The following STIP1 variants were observed in gnomAD, a reference collection of about 807,000 sequenced individuals.
STIP1 encodes the protein stress-induced-phosphoprotein 1.
In STIP1, 16 loss-of-function variants were observed where a neutral mutation model predicts 77.4. That is an observed-to-expected ratio of 0.21 (90% confidence interval 0.14 to 0.31). STIP1 has a LOEUF of 0.31. Ranked by LOEUF, STIP1 falls within the 10% of genes least tolerant of loss-of-function variation. STIP1 has a pLI of 1.00. For missense variants in STIP1, 524 were observed against 684.8 expected (o/e 0.77, Z 2.62); for synonymous variants, 258 against 246.6 (o/e 1.05, Z -0.44).
In STIP1 at chr11:64,186,245, C is replaced by T. The variant is rs1333698700; in HGVS notation, c.-17C>T. The T allele has an allele frequency of 3.2e-6, 5 of 1,549,616 alleles. No homozygotes were observed. Among genetic ancestry groups the T allele is most frequent in the Middle Eastern group, 1.7e-4 (1 of 5,920 alleles). On this transcript the variant is annotated 5_prime_UTR_variant, in exon 1 of 14. Transcript: ENST00000305218. Reference sequence around the variant, plus strand: ...CGGACGGATTCGATTCAACGGGGTTCCGGACCGCGCTGCGCTATGGAGCAG... The same window carrying T: ...CGGACGGATTCGATTCAACGGGGTTTCGGACCGCGCTGCGCTATGGAGCAG...
At chr11:64,196,970 C>G (rs56233050) in intron 5 of STIP1, 1 of 341,350 alleles carries the variant, frequency 2.9e-6, no homozygotes, top group African/African-American at 2.1e-5. Context: ...CTCTGCTGTC[C>G]TCACCGGTTG....
chr11:64,203,940 A>G, intron 13 of STIP1, 114 bp from the exon 14 acceptor site: 1 of 1,308,576 alleles, frequency 7.6e-7, no homozygotes, highest in Non-Finnish European at 1.1e-6. Context: ...GGGCCTCGCC[A>G]GGACCCCTCC....
intron 12 of STIP1, 21 bp from the exon 13 acceptor site, chr11:64,203,429 T>G (rs1946243605): frequency 6.2e-7 from 1 of 1,613,698 alleles, no homozygotes; most frequent in Admixed American, 1.7e-5. Flanking sequence ...ACGCTTCACC[T>G]TTGTCTCTTC....
At chr11:64,202,935 T>C in intron 11 of STIP1, 23 bp downstream of exon 11, 1 of 1,614,198 alleles carries the variant, frequency 6.2e-7, no homozygotes, top group Non-Finnish European at 8.5e-7. Flanking sequence ...CTGCTGCCTG[T>C]CCCCTGTCTC....
At chr11:64,195,952 G>C in intron 5 of STIP1, 139 bp downstream of exon 5, 1 of 1,290,374 alleles carries the variant, frequency 7.7e-7, no homozygotes, top group Non-Finnish European at 1.1e-6. Flanking sequence ...GTGTTTCCCA[G>C]GTTGGTCTTG....
chr11:64,192,089 G>A (rs1006391391), intron 1 of STIP1, among the ~76,000 whole-genome samples: 2 of 152,158 alleles, frequency 1.3e-5, no homozygotes, highest in African/African-American at 4.8e-5. Context: ...AAGGCGTGTG[G>A]ATCACCTGAG....
At chr11:64,186,938 C>G (rs1946028944) in intron 1 of STIP1, among the ~76,000 whole-genome samples, 1 of 152,198 alleles carries the variant, frequency 6.6e-6, no homozygotes, top group Non-Finnish European at 1.5e-5. Context: ...GGGACGAATT[C>G]CATCTCTGAC....
At chr11:64,192,957 T>C in intron 1 of STIP1, 121 bp from the exon 2 acceptor site, 1 of 951,040 alleles carries the variant, frequency 1.1e-6, no homozygotes, top group South Asian at 1.6e-5. Context: ...GTTTTCTCTC[T>C]TCTGATCTGT....
At chr11:64,203,925 G>A (rs112603911) in intron 13 of STIP1, 129 bp from the exon 14 acceptor site, 5 of 1,127,366 alleles carry the variant, frequency 4.4e-6, no homozygotes, top group South Asian at 1.3e-5. Flanking sequence ...GCAGCTCGGC[G>A]CCCCGGGCCT....
At chr11:64,194,403 C>CA in intron 3 of STIP1, 73 bp downstream of exon 3, 1 of 1,609,862 alleles carries the variant, frequency 6.2e-7, no homozygotes, top group Non-Finnish European at 8.5e-7. Flanking sequence ...TGAGAAATGT[C>CA]AGTCTGGTAG....
chr11:64,185,605 C>A (rs1448048857), upstream of STIP1: 2 of 604,732 alleles, frequency 3.3e-6, no homozygotes, highest in Non-Finnish European at 5.7e-6. Flanking sequence ...CGGGGACCGC[C>A]TGGAACTCGC....
At chr11:64,196,395 CAAA>C (rs57497154) in intron 5 of STIP1, among the ~76,000 whole-genome samples, 31 of 69,582 alleles carry the variant, frequency 4.5e-4, no homozygotes, top group Non-Finnish European at 6.5e-4. Context: ...GACTCCATCT[CAAA>C]AAAAAAAAAA....
At chr11:64,191,607 A>C (rs1946093472) in intron 1 of STIP1, among the ~76,000 whole-genome samples, 1 of 152,170 alleles carries the variant, frequency 6.6e-6, no homozygotes, top group Admixed American at 6.5e-5. Flanking sequence ...TCTGTCTCAA[A>C]AAATAATAAT....
intron 1 of STIP1, among the ~76,000 whole-genome samples, chr11:64,187,642 G>A (rs1017846983): frequency 3.3e-5 from 5 of 152,178 alleles, no homozygotes; most frequent in African/African-American, 1.2e-4. Flanking sequence ...TGTATCTAGG[G>A]TTAAATGGGC....
At chr11:64,201,333 G>A (rs569529303) in intron 10 of STIP1, among the ~76,000 whole-genome samples, 13 of 152,266 alleles carry the variant, frequency 8.5e-5, no homozygotes, top group East Asian at 3.9e-4. Flanking sequence ...GAGCCACTGC[G>A]CCCGGCCTAT....
chr11:64,195,979 C>T (rs139128407), intron 5 of STIP1, 166 bp downstream of exon 5: 4 of 889,156 alleles, frequency 4.5e-6, no homozygotes, highest in African/African-American at 1.7e-5. Context: ...TGGCCTCAAG[C>T]GATGCTCCTG....
At chr11:64,203,823 G>C (rs1473985976) in intron 13 of STIP1, 6 of 781,648 alleles carry the variant, frequency 7.7e-6, no homozygotes, top group African/African-American at 3.5e-5. Flanking sequence ...ATTTGGAAAG[G>C]CCCATTTAGC....
chr11:64,186,561 G>GC, intron 1 of STIP1: 1 of 178,692 alleles, frequency 5.6e-6, no homozygotes, highest in East Asian at 1.4e-4. Context: ...TCGCGACCGG[G>GC]CCCTGAAGGC....
rs1027402756 is a variant in STIP1, at chr11:64,186,719, G to C, written c.9+449G>C. On this transcript the variant is annotated intron_variant, in intron 1 of 13. Transcript: ENST00000305218. Reference sequence around the variant, plus strand: ...CGACGGAGAAACCGCTCGGGACTTAGCCACGAGGAACTTGGACGGATCCAG... The same window carrying C: ...CGACGGAGAAACCGCTCGGGACTTACCCACGAGGAACTTGGACGGATCCAG... Among the ~76,000 whole-genome samples, 3 of 152,324 alleles carry C rather than the reference G, an allele frequency of 2.0e-5. No individual in the cohort carries two copies. The East Asian group carries it at 5.8e-4, about 29-fold the overall frequency.
Sources: allele counts gnomAD v4.1 joint callset (sites outside exome capture counted in the v4.1 genomes callset), GRCh38; gene constraint gnomAD v4.1.1; transcripts MANE v1.5; gene names NCBI Gene and HGNC (gene_info 2026-07-23, HGNC 2026-07-21).